FHAD1: variants seen among roughly 807,000 people sequenced by gnomAD.
FHAD1 encodes forkhead-associated domain-containing protein 1.
Under a neutral mutation model 191.3 loss-of-function variants are expected in FHAD1, and 146 were observed. That is an observed-to-expected ratio of 0.76 (90% confidence interval 0.67 to 0.88). The LOEUF is 0.88. Among genes scored for constraint, FHAD1 ranks in the 40% least tolerant of loss-of-function variants. FHAD1 has a pLI of 0.00. For missense variants in FHAD1, 1,635 were observed against 1,785.8 expected, an observed-to-expected ratio of 0.92 and a Z score of 1.52; for synonymous variants, 616 against 672.3, an observed-to-expected ratio of 0.92 and a Z score of 1.29.
intron 1 of FHAD1, among the ~76,000 whole-genome samples, chr1:15,239,009 G>A (rs72642374): frequency 0.017 from 2,589 of 152,238 alleles, 33 homozygotes; most frequent in Non-Finnish European, 0.026. Context: ...CTGGGCTGAT[G>A]CAATCCTCCT....
chr1:15,320,998 G>A (rs1022904700), intron 10 of FHAD1, among the ~76,000 whole-genome samples: 14 of 152,108 alleles, frequency 9.2e-5, no homozygotes, highest in African/African-American at 2.9e-4. Context: ...GCAGTGGTGC[G>A]ATCTCAGCTC....
intron 20 of FHAD1, among the ~76,000 whole-genome samples, chr1:15,353,931 A>G (rs1691825960): frequency 1.3e-5 from 2 of 152,082 alleles, no homozygotes; most frequent in Non-Finnish European, 2.9e-5. Context: ...GGTACCTCAT[A>G]AGCAATAGGG....
chr1:15,256,751 A>C (rs1014089843), intron 2 of FHAD1, among the ~76,000 whole-genome samples: 3 of 151,538 alleles, frequency 2.0e-5, no homozygotes, highest in African/African-American at 7.3e-5. Flanking sequence ...TCCCTTTACA[A>C]TTGACTTGTA....
intron 10 of FHAD1, among the ~76,000 whole-genome samples, chr1:15,322,274 T>C (rs1423122902): frequency 6.6e-6 from 1 of 152,250 alleles, no homozygotes. Context: ...TGATTAATAA[T>C]AATGGTGAAA....
At chr1:15,293,414 T>A (rs1359642514) in intron 4 of FHAD1, among the ~76,000 whole-genome samples, 2 of 152,206 alleles carry the variant, frequency 1.3e-5, no homozygotes, top group African/African-American at 4.8e-5. Flanking sequence ...CATTTTGCTG[T>A]ATGTCTTACA....
chr1:15,323,071 A>T lies in FHAD1; in HGVS notation c.1366-1381A>T, dbSNP rs551545519. On this transcript the variant is annotated intron_variant, in intron 10 of 33. Coordinates refer to ENST00000688493, the MANE Select transcript of FHAD1 (RefSeq NM_001391957.1). The stretch of plus-strand genomic sequence containing the variant: ...CACCATCAGGAGAACAGCACGGGAA[A>T]GTCCGGCCCCCATGATTCAGTTACC... Among the ~76,000 whole-genome samples the T allele has an allele frequency of 2.0e-5, 3 of 152,336 alleles. No individual in the cohort carries two copies. In the East Asian group the frequency reaches 5.8e-4, roughly 29 times the overall value.
chr1:15,265,295 G>C (rs147692415), intron 2 of FHAD1, among the ~76,000 whole-genome samples: 1 of 152,156 alleles, frequency 6.6e-6, no homozygotes, highest in African/African-American at 2.4e-5. Context: ...CTTTGGTAAG[G>C]CCCAGTTCAC....
intron 2 of FHAD1, among the ~76,000 whole-genome samples, chr1:15,265,913 G>A (rs1653219741): frequency 7.1e-6 from 1 of 140,656 alleles, no homozygotes; most frequent in Admixed American, 7.7e-5. Context: ...GGAGGTTGCA[G>A]TGAGCCAGGA....
chr1:15,249,113 G>A (rs1319979064), intron 1 of FHAD1, among the ~76,000 whole-genome samples: 1 of 152,146 alleles, frequency 6.6e-6, no homozygotes, highest in African/African-American at 2.4e-5. Flanking sequence ...CAGTGAAAGG[G>A]AAACAGTAAA....
Position 15,329,066 on chromosome 1 carries a change from C to T in FHAD1, c.1711-280C>T. Reference sequence around the variant, plus strand: ...AAAAAAGAAGTAGCCACATTTGCTTCTCATTGCAGCCAAACTGTTGATGGT... The same window carrying T: ...AAAAAAGAAGTAGCCACATTTGCTTTTCATTGCAGCCAAACTGTTGATGGT... On this transcript the variant is annotated intron_variant, in intron 13 of 33. Transcript: ENST00000688493. The surrounding 1 kb of genome is among the most constrained non-coding windows in gnomAD (Gnocchi z 5.0). 2 of 271,010 alleles carry T rather than the reference C, an allele frequency of 7.4e-6. No homozygotes were observed. Among genetic ancestry groups the T allele is most frequent in the Non-Finnish European group, 6.9e-6 (1 of 145,374 alleles). The allele number at this position is 271,010 out of a possible 1,614,324, so 16.8% of individuals were successfully genotyped here.
At chr1:15,388,813 G>C (rs1703016957) in intron 32 of FHAD1, among the ~76,000 whole-genome samples, 1 of 152,178 alleles carries the variant, frequency 6.6e-6, no homozygotes, top group Admixed American at 6.5e-5. Context: ...TTTCCCCCTA[G>C]AGGGGACGGT....
At chr1:15,314,425 C>T (rs1673318186) in intron 8 of FHAD1, 1 of 152,160 alleles carries the variant, frequency 6.6e-6, no homozygotes, top group South Asian at 2.1e-4. Context: ...CTGATGTGGC[C>T]TCCCCTTTGT....
At chr1:15,376,537 A>G (rs1318303312) in intron 28 of FHAD1, among the ~76,000 whole-genome samples, 1 of 152,186 alleles carries the variant, frequency 6.6e-6, no homozygotes, top group African/African-American at 2.4e-5. Context: ...CAGAGCACAC[A>G]AGTTCCTAGA....
chr1:15,369,388 C>A lies in FHAD1; in HGVS notation c.3333C>A (p.His1111Gln). Residue 1111 changes from histidine to glutamine, a missense_variant, in exon 26 of 34, where the codon CAC becomes CAA. His to Gln is a conservative substitution (Grantham distance 24). Coordinates refer to ENST00000688493, the MANE Select transcript of FHAD1 (RefSeq NM_001391957.1). Reference sequence around the variant, plus strand: ...ACCCTAGGGCTTCCCAAGAGAAACACAGACTCCAGCTGAACACAGAGAAGG... The same window carrying A: ...ACCCTAGGGCTTCCCAAGAGAAACAAAGACTCCAGCTGAACACAGAGAAGG... ...EEALRASQEK[H>Q]RLQLNTEKEQ... The A allele has an allele frequency of 6.4e-7, 1 of 1,552,072 alleles. No individual in the cohort carries two copies. Among genetic ancestry groups the A allele is most frequent in the East Asian group, 2.4e-5 (1 of 40,914 alleles).
rs1658566082 is a variant in FHAD1, at chr1:15,276,873, C to A, written c.300+4344C>A. ...CACAGTAGAGTCCACAAAGATGGCA[C>A]CCCCTGGAGTTGTGCGAGGCATAAC... On this transcript the variant is annotated intron_variant, in intron 3 of 33. Transcript: ENST00000688493. This position sits in a 1 kb window ranked among gnomAD's most constrained non-coding sequence, Gnocchi z 4.7. 1.3e-5 allele frequency among the ~76,000 whole-genome samples: 2 copies of A among 152,186 alleles called. No individual in the cohort carries two copies. Among genetic ancestry groups the A allele is most frequent in the Admixed American group, 6.5e-5 (1 of 15,294 alleles).
intron 26 of FHAD1, among the ~76,000 whole-genome samples, chr1:15,372,916 G>C (rs1288860653): frequency 6.6e-6 from 1 of 152,078 alleles, no homozygotes; most frequent in Admixed American, 6.6e-5. Context: ...CTTGTTGTCT[G>C]TCTGCCCACA....
At chr1:15,254,002 G>C (rs912417753) in intron 2 of FHAD1, among the ~76,000 whole-genome samples, 3 of 152,086 alleles carry the variant, frequency 2.0e-5, no homozygotes, top group African/African-American at 7.2e-5. Context: ...AGTTTTCTAA[G>C]AGTTATAAAC....
chr1:15,344,594 G>C (rs188418017), intron 16 of FHAD1, among the ~76,000 whole-genome samples: 2 of 152,332 alleles, frequency 1.3e-5, no homozygotes, highest in South Asian at 4.1e-4. Context: ...GATTTGGTCT[G>C]TAAGCCATAG....
At chr1:15,396,899 A>T (rs1409759862) in intron 33 of FHAD1, among the ~76,000 whole-genome samples, 1 of 151,970 alleles carries the variant, frequency 6.6e-6, no homozygotes, top group Non-Finnish European at 1.5e-5. Context: ...AAATAATTAA[A>T]TAAGGCTGGG....
Sources: allele counts gnomAD v4.1 joint callset (sites outside exome capture counted in the v4.1 genomes callset), GRCh38; gene constraint gnomAD v4.1.1; non-coding constraint Gnocchi (gnomAD v3.1); transcripts MANE v1.5; gene names NCBI Gene and HGNC (gene_info 2026-07-23, HGNC 2026-07-21).